PRIM2: variants seen among roughly 807,000 people sequenced by gnomAD.
PRIM2 encodes DNA primase large subunit.
Under a neutral mutation model 67.3 loss-of-function variants are expected in PRIM2, and 39 were observed. The observed-to-expected ratio is 0.58, with a 90% CI of 0.45 to 0.76. PRIM2 has a LOEUF of 0.76. Ranked by LOEUF, PRIM2 falls within the 30% of genes least tolerant of loss-of-function variation. The pLI, the probability that PRIM2 is intolerant of heterozygous loss-of-function variation, is 0.00. For synonymous variants in PRIM2, 143 were observed against 198.7 expected, an observed-to-expected ratio of 0.72 and a Z score of 2.36; for missense variants, 398 against 598.7, an observed-to-expected ratio of 0.66 and a Z score of 3.50.
At chr6:57,377,392 G>T (rs1427209464) in intron 5 of PRIM2, among the ~76,000 whole-genome samples, 1 of 151,154 alleles carries the variant, frequency 6.6e-6, no homozygotes, top group Non-Finnish European at 1.5e-5. Context: ...GGTGTGCTTT[G>T]TTACTGTTGT....
intron 5 of PRIM2, among the ~76,000 whole-genome samples, chr6:57,358,487 A>G (rs1769102165): frequency 6.6e-6 from 1 of 152,230 alleles, no homozygotes; most frequent in African/African-American, 2.4e-5. Context: ...GTGTCAGAAC[A>G]GGAGAGATGT....
At chr6:57,264,936 T>C in the PRIM2 span, among the ~76,000 whole-genome samples, 1 of 152,138 alleles carries the variant, frequency 6.6e-6, no homozygotes, top group Non-Finnish European at 1.5e-5. Flanking sequence ...GACTCAGTAA[T>C]GGGTGGAGGA....
the PRIM2 span, among the ~76,000 whole-genome samples, chr6:57,245,839 A>G: frequency 6.6e-6 from 1 of 152,186 alleles, no homozygotes; most frequent in South Asian, 2.1e-4. Context: ...GGGGCATGAG[A>G]GTGCACTTGG....
intron 7 of PRIM2, among the ~76,000 whole-genome samples, chr6:57,487,942 C>T (rs1393666957): frequency 6.6e-6 from 1 of 152,100 alleles, no homozygotes; most frequent in Non-Finnish European, 1.5e-5. Context: ...TATATGTTCC[C>T]TTCATTTATT....
At chr6:57,372,158 T>C (rs1769583700) in intron 5 of PRIM2, among the ~76,000 whole-genome samples, 1 of 152,268 alleles carries the variant, frequency 6.6e-6, no homozygotes, top group South Asian at 2.1e-4. Context: ...TTAGTTTCTG[T>C]ATCTTTATCT....
chr6:57,457,982 G>A (rs1772862829), intron 7 of PRIM2, among the ~76,000 whole-genome samples: 1 of 152,146 alleles, frequency 6.6e-6, no homozygotes, highest in African/African-American at 2.4e-5. Flanking sequence ...TCTGCTTAAA[G>A]TGTCTTAGAT....
At chr6:57,473,906 C>A (rs1773400194) in intron 7 of PRIM2, among the ~76,000 whole-genome samples, 2 of 150,660 alleles carry the variant, frequency 1.3e-5, no homozygotes. Flanking sequence ...GTTTTTTTTT[C>A]TCTGTGAATA....
the PRIM2 span, among the ~76,000 whole-genome samples, chr6:57,268,610 C>T: frequency 0.082 from 12,422 of 151,474 alleles, 738 homozygotes; most frequent in East Asian, 0.18. Context: ...GGCAATTTCC[C>T]CCCACATTTA....
intron 7 of PRIM2, chr6:57,383,443 A>G (rs1770027688): frequency 6.6e-6 from 1 of 152,172 alleles, no homozygotes; most frequent in Non-Finnish European, 1.5e-5. Context: ...AACTTCTGGC[A>G]TGTTAATGCT....
At chr6:57,384,945 G>A (rs867557944) in intron 7 of PRIM2, among the ~76,000 whole-genome samples, 34 of 152,162 alleles carry the variant, frequency 2.2e-4, no homozygotes, top group African/African-American at 8.0e-4. Flanking sequence ...TTTTTAATAA[G>A]TTTTGACTGT....
intron 7 of PRIM2, among the ~76,000 whole-genome samples, chr6:57,424,214 A>T (rs1206271504): frequency 6.6e-6 from 1 of 152,204 alleles, no homozygotes; most frequent in African/African-American, 2.4e-5. Flanking sequence ...CTGGAGCTTA[A>T]CTGAGAGATC....
At chr6:57,560,823 T>G (rs1230710928) in intron 10 of PRIM2, among the ~76,000 whole-genome samples, 1 of 152,190 alleles carries the variant, frequency 6.6e-6, no homozygotes. Flanking sequence ...TAAACAGATA[T>G]GCTGTTACCC....
chr6:57,410,331 C>CAAAAAAA (rs66631802), intron 7 of PRIM2, among the ~76,000 whole-genome samples: 2 of 105,370 alleles, frequency 1.9e-5, no homozygotes, highest in South Asian at 3.3e-4. Flanking sequence ...AACGCCATCT[C>CAAAAAAA]AAAAAAAAAA....
chr6:57,239,572 T>C, the PRIM2 span, among the ~76,000 whole-genome samples: 20 of 152,016 alleles, frequency 1.3e-4, no homozygotes, highest in Admixed American at 5.2e-4. Flanking sequence ...CCAAATCCCA[T>C]CTCTACAAAA....
At chr6:57,265,089 G>A in the PRIM2 span, among the ~76,000 whole-genome samples, 1 of 152,148 alleles carries the variant, frequency 6.6e-6, no homozygotes, top group Non-Finnish European at 1.5e-5. Context: ...GCTGTACAGT[G>A]CTATAAAATG....
the PRIM2 span, among the ~76,000 whole-genome samples, chr6:57,276,753 G>A: frequency 2.0e-5 from 3 of 151,928 alleles, no homozygotes; most frequent in African/African-American, 7.3e-5. Context: ...AAAAAAATTA[G>A]CTGGGCGTGG....
the PRIM2 span, among the ~76,000 whole-genome samples, chr6:57,271,839 A>G: frequency 2.3e-4 from 35 of 152,056 alleles, no homozygotes; most frequent in Non-Finnish European, 3.4e-4. Context: ...CTTTGTTCTC[A>G]TTGGTTTCAA....
the PRIM2 span, among the ~76,000 whole-genome samples, chr6:57,296,592 TGGTGGTGGTAGTG>T: frequency 1.3e-5 from 2 of 151,042 alleles, no homozygotes. Context: ...CGGGGTTTGG[TGGTGGTGGTAGTG>T]GGTGGTGGTG....
intron 12 of PRIM2, among the ~76,000 whole-genome samples, chr6:57,613,569 T>C (rs1776702461): frequency 6.6e-6 from 1 of 152,212 alleles, no homozygotes; most frequent in East Asian, 1.9e-4. Flanking sequence ...TGTTAGGAAC[T>C]GTGAAGGATC....
Sources: allele counts gnomAD v4.1 joint callset (sites outside exome capture counted in the v4.1 genomes callset), GRCh38; gene constraint gnomAD v4.1.1; transcripts MANE v1.5; gene names NCBI Gene and HGNC (gene_info 2026-07-23, HGNC 2026-07-21).